The following ZNF367 variants were observed in gnomAD, a reference collection of about 807,000 sequenced individuals.
ZNF367 encodes the protein C2H2 zinc finger protein ZFF29.
Under a neutral mutation model 31.8 loss-of-function variants are expected in ZNF367, and 11 were observed. The observed-to-expected ratio is 0.35, with a 90% CI of 0.22 to 0.57. The LOEUF (loss-of-function observed/expected upper bound fraction) is 0.57, where lower values mean the gene tolerates loss of function less well. Among genes scored for constraint, ZNF367 ranks in the 20% least tolerant of loss-of-function variants. ZNF367 has a pLI of 0.85. For missense variants in ZNF367, 353 were observed against 484.1 expected (o/e 0.73, Z 2.54); for synonymous variants, 199 against 202.4 (o/e 0.98, Z 0.14).
At chr9:96,407,192 G>A (rs1831681333) in intron 1 of ZNF367, 3 of 698,068 alleles carry the variant, frequency 4.3e-6, no homozygotes, top group Admixed American at 4.6e-5. Flanking sequence ...GTCCCGGCCT[G>A]CGTGGCGTGG....
At chr9:96,403,627 G>A (rs1271963127) in intron 1 of ZNF367, among the ~76,000 whole-genome samples, 1 of 151,986 alleles carries the variant, frequency 6.6e-6, no homozygotes, top group Non-Finnish European at 1.5e-5. Context: ...ACTAAGCACT[G>A]GCAATTAAGA....
chr9:96,404,914 C>T (rs1266874033), intron 1 of ZNF367, among the ~76,000 whole-genome samples: 1 of 151,908 alleles, frequency 6.6e-6, no homozygotes, highest in Admixed American at 6.6e-5. Flanking sequence ...TCAACAACAA[C>T]AAAAAACACA....
At chr9:96,398,115 A>G in intron 2 of ZNF367, 49 bp downstream of exon 2, 1 of 925,998 alleles carries the variant, frequency 1.1e-6, no homozygotes, top group Non-Finnish European at 1.5e-6. Context: ...AAAAAAAAAA[A>G]AAAAAAAGTG....
chr9:96,418,042 C>T lies in ZNF367; in HGVS notation c.-10G>A, dbSNP rs1831859927. ...CGAAGCCCCGGATCATCGCCCGGCC[C>T]GACCCCCAGCTCCGGCGGCCCCGGG... On this transcript the variant is annotated 5_prime_UTR_variant, in exon 1 of 5. Transcript: ENST00000375256. 2 of 1,360,258 alleles carry T rather than the reference C, an allele frequency of 1.5e-6. No individual in the cohort carries two copies. The highest frequency in any genetic ancestry group is 1.7e-5 in the South Asian group (1 of 58,194). The allele number at this position is 1,360,258 out of a possible 1,614,324, so 84.3% of individuals were successfully genotyped here.
intron 1 of ZNF367, among the ~76,000 whole-genome samples, chr9:96,414,141 ATTTT>A (rs906016882): frequency 1.4e-4 from 22 of 152,164 alleles, no homozygotes; most frequent in African/African-American, 5.1e-4. Flanking sequence ...CAACTTCCTT[ATTTT>A]TTTCTTTTTC....
At chr9:96,413,446 A>G (rs1831779114) in intron 1 of ZNF367, among the ~76,000 whole-genome samples, 1 of 152,206 alleles carries the variant, frequency 6.6e-6, no homozygotes, top group East Asian at 1.9e-4. Context: ...TGTACAGTCT[A>G]GGTTTTGAAG....
At chr9:96,399,989 G>A (rs1587744499) in intron 1 of ZNF367, among the ~76,000 whole-genome samples, 1 of 152,074 alleles carries the variant, frequency 6.6e-6, no homozygotes, top group African/African-American at 2.4e-5. Context: ...TCTGATTTCC[G>A]GAGTCACATT....
At chr9:96,414,652 AT>A (rs1426811088) in intron 1 of ZNF367, among the ~76,000 whole-genome samples, 1 of 151,994 alleles carries the variant, frequency 6.6e-6, no homozygotes, top group Admixed American at 6.6e-5. Flanking sequence ...TAATTTTTGT[AT>A]TTTTAGTAGA....
At chr9:96,401,828 C>CAA (rs888111576) in intron 1 of ZNF367, among the ~76,000 whole-genome samples, 1 of 131,492 alleles carries the variant, frequency 7.6e-6, no homozygotes, top group African/African-American at 2.8e-5. Flanking sequence ...ATGCCATCTC[C>CAA]AAAAAAAAAA....
At chr9:96,409,334 C>A (rs1393259540) in intron 1 of ZNF367, among the ~76,000 whole-genome samples, 1 of 152,158 alleles carries the variant, frequency 6.6e-6, no homozygotes, top group African/African-American at 2.4e-5. Context: ...TTTCTCTCTG[C>A]TTTGAGACCC....
At chr9:96,399,158 G>A (rs1222328020) in intron 1 of ZNF367, among the ~76,000 whole-genome samples, 2 of 152,056 alleles carry the variant, frequency 1.3e-5, no homozygotes, top group Non-Finnish European at 2.9e-5. Flanking sequence ...AGGGCAGGAA[G>A]CATGCTCAGA....
intron 4 of ZNF367, among the ~76,000 whole-genome samples, chr9:96,389,302 GAA>G (rs11438398): frequency 2.7e-5 from 3 of 112,136 alleles, no homozygotes; most frequent in Non-Finnish European, 2.0e-5. Flanking sequence ...TCCGTTTCAA[GAA>G]AAAAAAAAAA....
chr9:96,392,269 C>T, intron 4 of ZNF367, 129 bp downstream of exon 4: 1 of 1,376,604 alleles, frequency 7.3e-7, no homozygotes, highest in Non-Finnish European at 1.0e-6. Context: ...AATCAGGGGT[C>T]ATTTCTAATT....
chr9:96,390,411 G>A (rs1342161704), intron 4 of ZNF367, among the ~76,000 whole-genome samples: 1 of 152,162 alleles, frequency 6.6e-6, no homozygotes, highest in African/African-American at 2.4e-5. Flanking sequence ...GCAGGAACCA[G>A]GTAAGGAAGG....
chr9:96,407,620 G>C, intron 1 of ZNF367: 1 of 1,455,938 alleles, frequency 6.9e-7, no homozygotes, highest in African/African-American at 1.4e-5. Flanking sequence ...GAAACGAAAA[G>C]AGAAGGCGGG....
intron 4 of ZNF367, 114 bp downstream of exon 4, chr9:96,392,284 T>C: frequency 6.7e-7 from 1 of 1,493,868 alleles, no homozygotes; most frequent in Non-Finnish European, 9.2e-7. Context: ...CTAATTATGT[T>C]ATAAAATGTG....
At chr9:96,397,348 A>AATGCAAATATAATTTCCAT (rs1235726971) in intron 2 of ZNF367, among the ~76,000 whole-genome samples, 47 of 152,274 alleles carry the variant, frequency 3.1e-4, no homozygotes, top group African/African-American at 1.0e-3. Context: ...TGATATTTAA[A>AATGCAAATATAATTTCCAT]ATGCAAATAT....
intron 1 of ZNF367, among the ~76,000 whole-genome samples, chr9:96,404,989 C>A (rs1831653641): frequency 6.6e-6 from 1 of 151,958 alleles, no homozygotes; most frequent in Admixed American, 6.6e-5. Context: ...GTTATATGGC[C>A]AACAAATGCA....
At chr9:96,398,442 G>C in intron 1 of ZNF367, 128 bp from the exon 2 acceptor site, 1 of 725,214 alleles carries the variant, frequency 1.4e-6, no homozygotes, top group African/African-American at 1.8e-5. Flanking sequence ...TATAGTCCCA[G>C]CTATTTAGGA....
Sources: gnomAD v4.1 joint callset for allele counts (sites outside exome capture counted in the v4.1 genomes callset) on GRCh38, gnomAD v4.1.1 for gene constraint, MANE v1.5 for transcripts, NCBI Gene and HGNC (gene_info 2026-07-23, HGNC 2026-07-21) for gene names.